Variants in PLXNA4 observed in about 807,000 individuals in gnomAD.
PLXNA4 encodes the protein plexin A4.
In PLXNA4, 44 loss-of-function variants were observed where a neutral mutation model predicts 191.8. The observed-to-expected ratio is 0.23, with a 90% CI of 0.18 to 0.29. The LOEUF is 0.29. Among genes scored for constraint, PLXNA4 ranks in the 10% least tolerant of loss-of-function variants. PLXNA4 has a pLI of 1.00. For synonymous variants in PLXNA4, 1,082 were observed against 1,009.5 expected (o/e 1.07, Z -1.36); for missense variants, 1,800 against 2,488.8 (o/e 0.72, Z 5.89).
intron 3 of PLXNA4, among the ~76,000 whole-genome samples, chr7:132,472,397 C>A (rs1796964614): frequency 6.6e-6 from 1 of 152,208 alleles, no homozygotes. Context: ...CATGGCTTCC[C>A]TTATGATTAT....
intron 24 of PLXNA4, among the ~76,000 whole-genome samples, chr7:132,161,744 G>C (rs1795957122): frequency 1.3e-5 from 2 of 152,142 alleles, no homozygotes; most frequent in African/African-American, 4.8e-5. Flanking sequence ...AGGCTCCCGG[G>C]CGGGCACCTA....
At chr7:132,401,667 C>A (rs1294704416) in intron 3 of PLXNA4, among the ~76,000 whole-genome samples, 2 of 151,928 alleles carry the variant, frequency 1.3e-5, no homozygotes, top group Non-Finnish European at 2.9e-5. Flanking sequence ...GCCCTCTAAG[C>A]CAATAAAGAA....
At chr7:132,475,784 T>C (rs1797103943) in intron 3 of PLXNA4, among the ~76,000 whole-genome samples, 1 of 151,544 alleles carries the variant, frequency 6.6e-6, no homozygotes, top group Admixed American at 6.6e-5. Context: ...GGAGACTGAT[T>C]CCCCCCACAC....
At chr7:132,292,438 G>T (rs138122325) in intron 4 of PLXNA4, among the ~76,000 whole-genome samples, 1 of 152,164 alleles carries the variant, frequency 6.6e-6, no homozygotes. Flanking sequence ...AGAGCTTGCC[G>T]GGTTGCTGAC....
At chr7:132,196,320 G>A (rs1797253717) in intron 13 of PLXNA4, among the ~76,000 whole-genome samples, 1 of 152,170 alleles carries the variant, frequency 6.6e-6, no homozygotes, top group Admixed American at 6.5e-5. Context: ...CAACATTTTG[G>A]TGTTTCTGTG....
intron 24 of PLXNA4, among the ~76,000 whole-genome samples, chr7:132,163,866 C>T (rs1796020052): frequency 6.6e-6 from 1 of 152,222 alleles, no homozygotes; most frequent in Non-Finnish European, 1.5e-5. Context: ...GGCTTTGACC[C>T]TATAACTGGT....
In PLXNA4 at chr7:132,632,736, C is replaced by T. The variant is rs191993618; in HGVS notation, c.-87+13192G>A. Among the ~76,000 whole-genome samples, 13 of 152,138 alleles carry T rather than the reference C, an allele frequency of 8.5e-5. No individual in the cohort carries two copies. In the East Asian group the frequency reaches 2.3e-3, roughly 27 times the overall value. On this transcript the variant is annotated intron_variant, in intron 2 of 4. Coordinates refer to the PLXNA4 transcript ENST00000378539. Reference sequence around the variant, plus strand: ...CATTTTTTAAATGACTTGTTAACACCGCAAGATGGGAAGAAGATAATCTCA... The same window carrying T: ...CATTTTTTAAATGACTTGTTAACACTGCAAGATGGGAAGAAGATAATCTCA...
intron 2 of PLXNA4, among the ~76,000 whole-genome samples, chr7:132,591,840 C>T (rs1434585921): frequency 6.6e-6 from 1 of 152,172 alleles, no homozygotes; most frequent in Non-Finnish European, 1.5e-5. Context: ...ATTATGTGCT[C>T]TTTTGGCACC....
chr7:132,221,385 T>G (rs1362220793), intron 9 of PLXNA4, among the ~76,000 whole-genome samples: 1 of 152,226 alleles, frequency 6.6e-6, no homozygotes, highest in Non-Finnish European at 1.5e-5. Flanking sequence ...GATATGGCAG[T>G]CTGGAAAGCT....
intron 20 of PLXNA4, among the ~76,000 whole-genome samples, chr7:132,176,678 G>A (rs936609834): frequency 6.6e-6 from 1 of 152,146 alleles, no homozygotes; most frequent in Non-Finnish European, 1.5e-5. Context: ...CAGTGTGTAT[G>A]CATGTGTGAA....
intron 2 of PLXNA4, among the ~76,000 whole-genome samples, chr7:132,615,871 T>A (rs1415302377): frequency 6.8e-6 from 1 of 147,968 alleles, no homozygotes; most frequent in Non-Finnish European, 1.5e-5. Flanking sequence ...CCCTCTCCTC[T>A]CTCCCCTCTC....
Position 132,508,042 on chromosome 7 carries a change from A to G in PLXNA4, c.652T>C (p.Phe218Leu), listed in dbSNP as rs1412916980. Residue 218 changes from phenylalanine (F) to leucine (L), a missense_variant, in exon 2 of 32, where the codon TTC becomes CTC. Transcript: ENST00000321063. The surrounding 1 kb of genome is among the most constrained non-coding windows in gnomAD (Gnocchi z 4.4). ...SEADGMFAYV[F>L]HDEFVASMIK... ...ATCGAGGCCACGAACTCATCATGGAAGACGTACGCGAACATGCCATCCGCC... is the reference window on the plus strand; with the variant it reads ...ATCGAGGCCACGAACTCATCATGGAGGACGTACGCGAACATGCCATCCGCC... 1 of 1,614,106 alleles carries G rather than the reference A, an allele frequency of 6.2e-7. No individual in the cohort carries two copies. Among genetic ancestry groups the G allele is most frequent in the African/African-American group, 1.3e-5 (1 of 74,934 alleles).
At chr7:132,177,949 G>T (rs535935376) in intron 20 of PLXNA4, among the ~76,000 whole-genome samples, 1 of 152,146 alleles carries the variant, frequency 6.6e-6, no homozygotes, top group Non-Finnish European at 1.5e-5. Context: ...CCCAGGTATG[G>T]GGCCGGATTT....
intron 29 of PLXNA4, among the ~76,000 whole-genome samples, chr7:132,141,617 A>G (rs535252644): frequency 1.3e-5 from 2 of 152,324 alleles, no homozygotes; most frequent in East Asian, 3.9e-4. Context: ...AGGGTCCAGC[A>G]TGGGACCAAG....
At chr7:132,302,658 A>G (rs1460326087) in intron 3 of PLXNA4, among the ~76,000 whole-genome samples, 1 of 151,166 alleles carries the variant, frequency 6.6e-6, no homozygotes, top group Non-Finnish European at 1.5e-5. Context: ...TCACCTGAAC[A>G]TACGAGATCA....
chr7:132,569,234 C>T (rs1413566515), intron 1 of PLXNA4, among the ~76,000 whole-genome samples: 1 of 152,254 alleles, frequency 6.6e-6, no homozygotes, highest in East Asian at 1.9e-4. Context: ...CCACCAGCTG[C>T]TTTTCACTGG....
intron 3 of PLXNA4, among the ~76,000 whole-genome samples, chr7:132,485,542 T>C (rs972000195): frequency 6.6e-6 from 1 of 152,202 alleles, no homozygotes; most frequent in African/African-American, 2.4e-5. Context: ...AGAAATCTCG[T>C]GCTTCTGAGA....
chr7:132,305,496 C>T (rs2116547124), intron 3 of PLXNA4, among the ~76,000 whole-genome samples: 1 of 152,270 alleles, frequency 6.6e-6, no homozygotes, highest in Non-Finnish European at 1.5e-5. Flanking sequence ...TTCCTCCAGC[C>T]CTGCTGGCCC....
intron 3 of PLXNA4, among the ~76,000 whole-genome samples, chr7:132,467,268 T>C (rs1796742303): frequency 6.6e-6 from 1 of 152,064 alleles, no homozygotes; most frequent in South Asian, 2.1e-4. Flanking sequence ...TGACCTATAT[T>C]GGGGGGTGAG....
Sources: allele counts gnomAD v4.1 joint callset (sites outside exome capture counted in the v4.1 genomes callset), GRCh38; gene constraint gnomAD v4.1.1; non-coding constraint Gnocchi (gnomAD v3.1); transcripts MANE v1.5; gene names NCBI Gene and HGNC (gene_info 2026-07-23, HGNC 2026-07-21).